Variants in AIDA observed in about 807,000 individuals in gnomAD.
AIDA encodes the protein axin interactor, dorsalization associated, also known as axin interactor, dorsalization-associated protein.
AIDA carries 18 observed loss-of-function variants against 42.7 expected under a neutral mutation model. The ratio of observed to expected loss-of-function variants is 0.42; its 90% CI spans 0.29 to 0.63. AIDA has a LOEUF of 0.63. Ranked by LOEUF, AIDA falls within the 20% of genes least tolerant of loss-of-function variation. The pLI is 0.19. For synonymous variants in AIDA, 104 were observed against 122.9 expected (o/e 0.85, Z 1.02); for missense variants, 250 against 354.1 (o/e 0.71, Z 2.36).
At chr1:222,699,962 G>T (rs1272187942) in intron 2 of AIDA, among the ~76,000 whole-genome samples, 1 of 152,066 alleles carries the variant, frequency 6.6e-6, no homozygotes, top group African/African-American at 2.4e-5. Context: ...AGTAGAGACG[G>T]GGTTTCACCG....
At chr1:222,689,532 C>CAT (rs2124959035) in intron 4 of AIDA, among the ~76,000 whole-genome samples, 2 of 104,182 alleles carry the variant, frequency 1.9e-5, no homozygotes, top group South Asian at 5.9e-4. Context: ...CACACATACA[C>CAT]ACACACACAT....
At chr1:222,684,364 G>A (rs535724736) in intron 6 of AIDA, among the ~76,000 whole-genome samples, 18 of 152,098 alleles carry the variant, frequency 1.2e-4, no homozygotes, top group African/African-American at 4.3e-4. Flanking sequence ...CACCTGCCTC[G>A]GCCTCCCAAA....
chr1:222,694,364 AAG>A, intron 2 of AIDA, 101 bp from the exon 3 acceptor site: 1 of 1,006,254 alleles, frequency 9.9e-7, no homozygotes, highest in Non-Finnish European at 1.5e-6. Context: ...TAATTCTCTT[AAG>A]TAAGTTAAAT....
intron 2 of AIDA, among the ~76,000 whole-genome samples, chr1:222,699,167 G>GAA (rs1655610543): frequency 6.6e-6 from 1 of 152,090 alleles, no homozygotes; most frequent in Non-Finnish European, 1.5e-5. Context: ...TTTCAAAGTT[G>GAA]TGCAAACTAT....
chr1:222,711,991 C>A, intron 1 of AIDA: 2 of 609,942 alleles, frequency 3.3e-6, no homozygotes, highest in Non-Finnish European at 5.7e-6. Flanking sequence ...CCTGCGGAGG[C>A]GGAGAGGGAA....
At chr1:222,706,632 G>A (rs1655846008) in intron 1 of AIDA, among the ~76,000 whole-genome samples, 1 of 152,114 alleles carries the variant, frequency 6.6e-6, no homozygotes, top group South Asian at 2.1e-4. Context: ...ACATTGGGAG[G>A]CCGAGGCAGG....
chr1:222,693,662 A>G (rs773358824), intron 4 of AIDA, 127 bp downstream of exon 4: 1 of 742,800 alleles, frequency 1.3e-6, no homozygotes, highest in Non-Finnish European at 2.1e-6. Flanking sequence ...AAAGCACCCA[A>G]AAAATCACAT....
At chr1:222,708,467 G>A (rs1187430572) in intron 1 of AIDA, among the ~76,000 whole-genome samples, 1 of 151,402 alleles carries the variant, frequency 6.6e-6, no homozygotes, top group Non-Finnish European at 1.5e-5. Flanking sequence ...TCCCAGGTTC[G>A]AGCGATTCTT....
intron 9 of AIDA, 67 bp from the exon 10 acceptor site, chr1:222,670,056 C>T: frequency 1.2e-6 from 2 of 1,609,226 alleles, no homozygotes; most frequent in Non-Finnish European, 1.7e-6. Context: ...AGGTTAAATA[C>T]TGGATATGGG....
intron 8 of AIDA, among the ~76,000 whole-genome samples, 168 bp from the exon 9 acceptor site, chr1:222,670,418 C>A (rs1289143254): frequency 6.6e-6 from 1 of 152,176 alleles, no homozygotes; most frequent in Non-Finnish European, 1.5e-5. Flanking sequence ...GGTTGTCACC[C>A]CGAACTCTTC....
At chr1:222,689,553 A>ATG (rs1478769861) in intron 4 of AIDA, among the ~76,000 whole-genome samples, 2 of 53,794 alleles carry the variant, frequency 3.7e-5, no homozygotes, top group African/African-American at 6.3e-5. Flanking sequence ...ATATATACAT[A>ATG]TATATGTATA....
intron 3 of AIDA, 99 bp downstream of exon 3, chr1:222,694,109 TTC>T (rs1655450453): frequency 1.8e-6 from 2 of 1,124,526 alleles, no homozygotes; most frequent in East Asian, 2.4e-5. Flanking sequence ...TATAAAACAC[TTC>T]TGAGACAATA....
At position 222,670,076 on chromosome 1, in the gene AIDA, A is replaced by C. The variant is rs145684391; in HGVS notation, c.824+57T>G. 1.3e-4 allele frequency: 203 copies of C among 1,607,688 alleles called. 1 individual carries two copies. In the East Asian group the frequency reaches 4.3e-3, roughly 34 times the overall value. On this transcript the variant is annotated intron_variant, in intron 9 of 9. Transcript: ENST00000340020. ...AAATACTGGATATGGGGGATTCAGA[A>C]GAAAGATATACTAGTCACCATCAAA... is the stretch of plus-strand genomic sequence containing the variant.
At chr1:222,687,128 GAT>G in intron 5 of AIDA, 92 bp from the exon 6 acceptor site, 2 of 1,531,846 alleles carry the variant, frequency 1.3e-6, no homozygotes, top group Non-Finnish European at 1.8e-6. Flanking sequence ...GCAAGATGCT[GAT>G]ATAAAAAAAT....
intron 2 of AIDA, among the ~76,000 whole-genome samples, chr1:222,697,929 A>C (rs747037018): frequency 1.3e-4 from 20 of 152,200 alleles, no homozygotes; most frequent in Non-Finnish European, 2.8e-4. Flanking sequence ...TAGTGCTGGA[A>C]TTCTCATTAC....
intron 6 of AIDA, among the ~76,000 whole-genome samples, chr1:222,677,107 T>C (rs1015992591): frequency 6.6e-6 from 1 of 152,230 alleles, no homozygotes; most frequent in South Asian, 2.1e-4. Context: ...AAAAGTCTTA[T>C]ACTTCTTTTG....
chr1:222,691,500 C>T (rs140854441), intron 4 of AIDA, among the ~76,000 whole-genome samples: 340 of 152,110 alleles, frequency 2.2e-3, no homozygotes, highest in African/African-American at 7.7e-3. Flanking sequence ...CAAGTATAAA[C>T]CTACATTATT....
At chr1:222,670,932 G>C (rs1664435420) in intron 8 of AIDA, among the ~76,000 whole-genome samples, 1 of 152,100 alleles carries the variant, frequency 6.6e-6, no homozygotes, top group South Asian at 2.1e-4. Flanking sequence ...AATTTAGACA[G>C]TTCTGGCCGG....
intron 7 of AIDA, among the ~76,000 whole-genome samples, chr1:222,674,564 T>G (rs17531580): frequency 0.023 from 3,543 of 152,278 alleles, 71 homozygotes; most frequent in Middle Eastern, 0.048. Context: ...AAAATGGACA[T>G]GAAAATTGCC....
Sources: allele counts gnomAD v4.1 joint callset (sites outside exome capture counted in the v4.1 genomes callset), GRCh38; gene constraint gnomAD v4.1.1; transcripts MANE v1.5; gene names NCBI Gene and HGNC (gene_info 2026-07-23, HGNC 2026-07-21).